Variants in TARS2 observed in about 807,000 individuals in gnomAD.
The protein encoded by TARS2 is threonyl-tRNA synthetase 2, mitochondrial, also known as threonine--tRNA ligase, mitochondrial.
A neutral mutation model predicts 94.4 loss-of-function variants in TARS2; 61 were observed. The ratio of observed to expected loss-of-function variants is 0.65; its 90% CI spans 0.53 to 0.80. The LOEUF (loss-of-function observed/expected upper bound fraction) is 0.80, where lower values mean the gene tolerates loss of function less well. Among genes scored for constraint, TARS2 ranks in the 30% least tolerant of loss-of-function variants. The pLI is 0.00. For synonymous variants in TARS2, 359 were observed against 353.4 expected (o/e 1.02, Z -0.18); for missense variants, 704 against 902.5 (o/e 0.78, Z 2.82).
intron 10 of TARS2, among the ~76,000 whole-genome samples, chr1:150,498,014 A>G (rs1264456642): frequency 6.6e-6 from 1 of 150,892 alleles, no homozygotes; most frequent in Non-Finnish European, 1.5e-5. Context: ...AATGGCGTGA[A>G]CCCAGGAGGT....
intron 7 of TARS2, among the ~76,000 whole-genome samples, chr1:150,495,385 A>G (rs997364461): frequency 6.6e-6 from 1 of 151,458 alleles, no homozygotes; most frequent in Non-Finnish European, 1.5e-5. Context: ...ACTGTTTAAC[A>G]GTTTTATTTT....
At chr1:150,495,845 G>A (rs1465482733) in intron 7 of TARS2, among the ~76,000 whole-genome samples, 3 of 151,904 alleles carry the variant, frequency 2.0e-5, no homozygotes, top group African/African-American at 4.8e-5. Flanking sequence ...TCAGCCTCCC[G>A]AGTAGCTGCG....
At chr1:150,492,563 G>C in intron 7 of TARS2, 74 bp downstream of exon 7, 1 of 1,514,034 alleles carries the variant, frequency 6.6e-7, no homozygotes, top group Non-Finnish European at 9.1e-7. Flanking sequence ...TGTAATCCCA[G>C]CACTTTGGGA....
At chr1:150,493,453 A>T (rs1451243621) in intron 7 of TARS2, among the ~76,000 whole-genome samples, 3 of 152,054 alleles carry the variant, frequency 2.0e-5, no homozygotes, top group Admixed American at 6.6e-5. Flanking sequence ...AGTAAAGGGC[A>T]TGCTTTTTAT....
At chr1:150,496,448 C>T (rs1274287403) in intron 7 of TARS2, 34 bp from the exon 8 acceptor site, 2 of 1,573,330 alleles carry the variant, frequency 1.3e-6, no homozygotes, top group Non-Finnish European at 1.7e-6. Flanking sequence ...CTTCAGTCCT[C>T]ATCTTTCCTT....
intron 10 of TARS2, among the ~76,000 whole-genome samples, chr1:150,498,207 G>A (rs587619696): frequency 6.6e-6 from 1 of 152,078 alleles, no homozygotes; most frequent in Non-Finnish European, 1.5e-5. Context: ...TACCTCTTTA[G>A]GTCTCAGTCT....
intron 13 of TARS2, 112 bp from the exon 14 acceptor site, chr1:150,504,220 GGTA>G (rs1248315143): frequency 5.5e-6 from 5 of 908,192 alleles, no homozygotes; most frequent in Non-Finnish European, 8.7e-6. Flanking sequence ...ACATGATGAA[GGTA>G]GTAGCCCGGG....
In TARS2 at chr1:150,496,853, G is replaced by A; in HGVS notation, c.965G>A (p.Cys322Tyr). ...TTCCATGAACTGAGCCCTGGGAGCT[G>A]CTTCTTCCTGCCACGAGGGACAAGG... Reference protein sequence around the residue: ...FFFHELSPGSCFFLPRGTRVY... With the variant: ...FFFHELSPGSYFFLPRGTRVY... The change falls in exon 9 of 18, where the codon TGC becomes TAC. Residue 322 changes from cysteine to tyrosine, a missense_variant. Coordinates refer to ENST00000369064, the MANE Select transcript of TARS2 (RefSeq NM_025150.5). The A allele has an allele frequency of 6.2e-7, 1 of 1,614,106 alleles. No homozygotes were observed. The highest frequency in any genetic ancestry group is 2.2e-5 in the East Asian group (1 of 44,888).
At position 150,505,690 on chromosome 1, in the gene TARS2, T is replaced by C. The variant is rs1297242105; in HGVS notation, c.1993T>C (p.Tyr665His). ...AATCCGCCGGGCCCAGCTTGCCCAC[T>C]ACAATTTTCAGTTTGGTAAGCTGAA... Reference protein sequence around the residue: ...RRIRRAQLAHYNFQFVVGQKE... With the variant: ...RRIRRAQLAHHNFQFVVGQKE... Residue 665 changes from tyrosine (Y) to histidine (H), a missense_variant, in exon 17 of 18, where the codon TAC (tyrosine) becomes CAC (histidine). Tyr to His is a moderately conservative substitution (Grantham distance 83, BLOSUM62 2). Around this residue, in one of 3 missense-constraint regions of TARS2, gnomAD observed 466 missense variants for 609.5 expected, o/e 0.76. Coordinates refer to ENST00000369064, the MANE Select transcript of TARS2 (RefSeq NM_025150.5). The C allele has an allele frequency of 7.4e-6, 12 of 1,613,598 alleles. No individual in the cohort carries two copies. The highest frequency in any genetic ancestry group is 1.0e-5 in the Non-Finnish European group (12 of 1,179,846).
At position 150,504,970 on chromosome 1, in the gene TARS2, G is replaced by A. The variant is rs199763983; in HGVS notation, c.1885G>A (p.Ala629Thr). ...IPVGSEQEEY[A>T]KEAQQSLRAA... ...TGTGGGGAGTGAGCAAGAGGAATAC[G>A]CCAAAGAGGTAAGGAGTTGAGGTAA... The change falls in exon 16 of 18, where the codon GCC becomes ACC. Residue 629 changes from alanine to threonine, a missense_variant. Around this residue, in one of 3 missense-constraint regions of TARS2, gnomAD observed 466 missense variants for 609.5 expected, o/e 0.76. Transcript: ENST00000369064. The A allele has an allele frequency of 9.3e-6, 15 of 1,614,112 alleles. No individual in the cohort carries two copies. The highest frequency in any genetic ancestry group is 5.3e-5 in the African/African-American group (4 of 75,026).
chr1:150,488,281 C>T (rs1035481244), intron 2 of TARS2: 10 of 471,972 alleles, frequency 2.1e-5, no homozygotes, highest in African/African-American at 1.9e-4. Flanking sequence ...GCGATCCTTC[C>T]ATCTCAGCCT....
In TARS2 at chr1:150,491,600, T is replaced by C. The variant is rs1669386816; in HGVS notation, c.633T>C (p.Asp211=). ...SRDQLRQLFK[D]NPFKLHLIEE... ...ATCTCCCTTCTACCTTTTTCCAGGA[T>C]AACCCCTTTAAGCTTCACTTGATTG... Residue 211 remains aspartate (D), a splice_region_variant and synonymous_variant, in exon 6 of 18, where the codon GAT becomes GAC. Coordinates refer to ENST00000369064, the MANE Select transcript of TARS2 (RefSeq NM_025150.5). The C allele has an allele frequency of 6.2e-7, 1 of 1,614,070 alleles. No individual in the cohort carries two copies. The highest frequency in any genetic ancestry group is 1.7e-5 in the Admixed American group (1 of 59,992).
Position 150,506,486 on chromosome 1 carries a change from G to GCGCA in TARS2, c.2009-429_2009-428insGCAC, listed in dbSNP as rs1266243361. ...TAATACCCCCTTCAGACACGCGCGC[G>GCGCA]CACACACACACACACACACACACAC... is the stretch of plus-strand genomic sequence containing the variant. On this transcript the variant is annotated intron_variant, in intron 17 of 17. Coordinates refer to ENST00000369064, the MANE Select transcript of TARS2 (RefSeq NM_025150.5). Among the ~76,000 whole-genome samples the GCGCA allele has an allele frequency of 1.1e-4, 14 of 123,784 alleles. 1 individual carries two copies. The highest frequency in any genetic ancestry group is 5.2e-4 in the South Asian group (2 of 3,820). The allele number at this position is 123,784 out of a possible 152,430, so 81.2% of individuals were successfully genotyped here. A position where few individuals can be genotyped will look rare whatever the true frequency, so the allele number is the denominator to read the frequency against.
chr1:150,497,447 G>T, intron 9 of TARS2, 83 bp from the exon 10 acceptor site: 1 of 1,341,326 alleles, frequency 7.5e-7, no homozygotes, highest in South Asian at 1.3e-5. Flanking sequence ...TGGCCTGAGG[G>T]CCCAGGAAGA....
chr1:150,492,177 G>A (rs1481271654), intron 6 of TARS2: 1 of 453,810 alleles, frequency 2.2e-6, no homozygotes, highest in Non-Finnish European at 4.1e-6. Flanking sequence ...TATTGTCCAG[G>A]CTGGTCTCGA....
chr1:150,488,892 A>C, intron 2 of TARS2, 72 bp from the exon 3 acceptor site: 1 of 1,564,072 alleles, frequency 6.4e-7, no homozygotes, highest in Non-Finnish European at 8.6e-7. Context: ...TAGGAATCAG[A>C]ACATGTGATA....
chr1:150,493,477 T>G (rs6703652), intron 7 of TARS2, among the ~76,000 whole-genome samples: 45,245 of 152,026 alleles, frequency 0.3, 8,198 homozygotes, highest in Non-Finnish European at 0.4. Flanking sequence ...AATACCGTTC[T>G]GCATGGTGGC....
rs768628705 is a variant in TARS2 at position 150,506,911 on chromosome 1, T to G, written c.2009-5T>G. On this transcript the variant is annotated splice_polypyrimidine_tract_variant and splice_region_variant and intron_variant, in intron 17 of 17. Transcript: ENST00000369064. The stretch of plus-strand genomic sequence containing the variant: ...CTGAGGTTCCCAAACTTCCTCTACC[T>G]GCAGTGGTTGGCCAGAAAGAGCAAA... The G allele has an allele frequency of 1.2e-6, 2 of 1,613,880 alleles. No individual in the cohort carries two copies. Among genetic ancestry groups the G allele is most frequent in the African/African-American group, 2.7e-5 (2 of 74,900 alleles).
chr1:150,487,666 T>A, intron 1 of TARS2, 150 bp downstream of exon 1: 1 of 1,298,718 alleles, frequency 7.7e-7, no homozygotes, highest in Non-Finnish European at 1.1e-6. Context: ...ACTCGTTATC[T>A]AATTCTCGAG....
Sources: allele counts gnomAD v4.1 joint callset (sites outside exome capture counted in the v4.1 genomes callset), GRCh38; gene constraint gnomAD v4.1.1; regional missense constraint gnomAD v4.1.1; transcripts MANE v1.5; gene names NCBI Gene and HGNC (gene_info 2026-07-23, HGNC 2026-07-21).